PTN: variants seen among roughly 807,000 people sequenced by gnomAD.
PTN encodes the protein heparin affin regulatory protein.
Under a neutral mutation model 24.1 loss-of-function variants are expected in PTN, and 18 were observed. The ratio of observed to expected loss-of-function variants is 0.75; its 90% CI spans 0.52 to 1.11. The LOEUF (loss-of-function observed/expected upper bound fraction) is 1.11, where lower values mean the gene tolerates loss of function less well. PTN is among the 50% of genes least tolerant of loss of function. PTN has a pLI of 0.00. For synonymous variants in PTN, 78 were observed against 68.6 expected, an observed-to-expected ratio of 1.14 and a Z score of -0.67; for missense variants, 163 against 198.8, an observed-to-expected ratio of 0.82 and a Z score of 1.08.
intron 1 of PTN, among the ~76,000 whole-genome samples, chr7:137,271,488 CAAAT>C (rs1264037368): frequency 1.3e-5 from 2 of 152,110 alleles, no homozygotes; most frequent in South Asian, 4.1e-4. Flanking sequence ...AAGAAAGAAA[CAAAT>C]AAATCAACCA....
chr7:137,315,441 G>C (rs1175797532), intron 1 of PTN, among the ~76,000 whole-genome samples: 1 of 152,078 alleles, frequency 6.6e-6, no homozygotes, highest in Admixed American at 6.5e-5. Context: ...AATCTCATCT[G>C]TTGTAACCTC....
chr7:137,239,374 T>A (rs573076706), intron 4 of PTN, among the ~76,000 whole-genome samples: 24 of 147,834 alleles, frequency 1.6e-4, no homozygotes, highest in Admixed American at 4.0e-4. Context: ...TAATTTTCTT[T>A]TTTATTTATT....
intron 1 of PTN, among the ~76,000 whole-genome samples, chr7:137,260,622 G>A (rs368804656): frequency 6.6e-6 from 1 of 151,954 alleles, no homozygotes; most frequent in Non-Finnish European, 1.5e-5. Context: ...CAAAGCCCAG[G>A]CCATTTAATC....
intron 1 of PTN, among the ~76,000 whole-genome samples, chr7:137,285,048 A>T (rs752684969): frequency 9.9e-5 from 15 of 152,196 alleles, no homozygotes; most frequent in Non-Finnish European, 1.6e-4. Context: ...ACCTGACTAC[A>T]AGTTTAATAT....
At position 137,320,994 on chromosome 7, in the gene PTN, T is replaced by A. The variant is rs111919227; in HGVS notation, c.-2+22445A>T. Among the ~76,000 whole-genome samples, 589 of 152,334 alleles carry A rather than the reference T, an allele frequency of 3.9e-3. 4 individuals are homozygous for A. The highest frequency in any genetic ancestry group is 0.013 in the African/African-American group (539 of 41,578). ...AAGTAAGCTTTGAGGTCAACTGTGCTGTGGCTCTACAATGAATATTCAACA... is the reference window on the plus strand; with the variant it reads ...AAGTAAGCTTTGAGGTCAACTGTGCAGTGGCTCTACAATGAATATTCAACA... On this transcript the variant is annotated intron_variant, in intron 1 of 4. Transcript: ENST00000348225.
chr7:137,330,969 C>T (rs1404019648), intron 1 of PTN, among the ~76,000 whole-genome samples: 2 of 152,180 alleles, frequency 1.3e-5, no homozygotes, highest in African/African-American at 4.8e-5. Context: ...AGCCTCAATG[C>T]TATCTAATAG....
chr7:137,284,369 C>A (rs1809522023), intron 1 of PTN, among the ~76,000 whole-genome samples: 1 of 152,006 alleles, frequency 6.6e-6, no homozygotes, highest in African/African-American at 2.4e-5. Context: ...AGGAAGAGGT[C>A]TTTTATTTTT....
At chr7:137,319,749 C>T (rs1810132838) in intron 1 of PTN, among the ~76,000 whole-genome samples, 1 of 152,222 alleles carries the variant, frequency 6.6e-6, no homozygotes, top group South Asian at 2.1e-4. Flanking sequence ...CACCTGAATA[C>T]TTTTGCCGGA....
intron 1 of PTN, among the ~76,000 whole-genome samples, chr7:137,267,139 T>C (rs1053536666): frequency 2.6e-5 from 4 of 152,116 alleles, no homozygotes; most frequent in African/African-American, 9.7e-5. Flanking sequence ...TACTTGTATA[T>C]TTCTCTCTCT....
intron 4 of PTN, among the ~76,000 whole-genome samples, chr7:137,247,385 G>A (rs1808742042): frequency 6.6e-6 from 1 of 152,160 alleles, no homozygotes; most frequent in African/African-American, 2.4e-5. Context: ...TAGAAATGGA[G>A]ATCATTAGGT....
chr7:137,265,028 G>A (rs1809115857), intron 1 of PTN, among the ~76,000 whole-genome samples: 1 of 149,872 alleles, frequency 6.7e-6, no homozygotes, highest in Non-Finnish European at 1.5e-5. Flanking sequence ...CAGGTCAGGT[G>A]GCCCCAGGGC....
chr7:137,256,041 G>A (rs1024023566), intron 1 of PTN, among the ~76,000 whole-genome samples: 5 of 152,030 alleles, frequency 3.3e-5, no homozygotes, highest in Admixed American at 6.6e-5. Context: ...ACAATAAAAC[G>A]TTTCATGTAT....
At chr7:137,275,822 A>G (rs1181729517) in intron 1 of PTN, among the ~76,000 whole-genome samples, 1 of 152,200 alleles carries the variant, frequency 6.6e-6, no homozygotes, top group Non-Finnish European at 1.5e-5. Context: ...CTTCAAATGA[A>G]AAGGTATTTC....
rs1808432999 is a variant in PTN at position 137,231,934 on chromosome 7, T to G, written c.452-3859A>C. 2.0e-5 allele frequency among the ~76,000 whole-genome samples: 3 copies of G among 151,924 alleles called. No individual in the cohort carries two copies. The South Asian group carries it at 6.2e-4, about 31-fold the overall frequency. On this transcript the variant is annotated intron_variant, in intron 4 of 4. Transcript: ENST00000348225. The stretch of plus-strand genomic sequence containing the variant: ...CAAGGTTAGAGAGAAATGTTTACTA[T>G]GAGATGTGGGTCACAAATTAGCCTG...
intron 1 of PTN, among the ~76,000 whole-genome samples, chr7:137,315,273 G>A (rs554652212): frequency 6.6e-6 from 1 of 152,124 alleles, no homozygotes; most frequent in Admixed American, 6.5e-5. Flanking sequence ...TGCTGTCCTT[G>A]ACCATTACGA....
intron 3 of PTN, among the ~76,000 whole-genome samples, chr7:137,252,546 T>C (rs1365324825): frequency 6.6e-6 from 1 of 151,916 alleles, no homozygotes; most frequent in Non-Finnish European, 1.5e-5. Flanking sequence ...CAAATGTACC[T>C]GTTCTCCATC....
At chr7:137,260,619 C>A (rs1041510439) in intron 1 of PTN, among the ~76,000 whole-genome samples, 1 of 152,052 alleles carries the variant, frequency 6.6e-6, no homozygotes, top group African/African-American at 2.4e-5. Flanking sequence ...TTACAAAGCC[C>A]AGGCCATTTA....
intron 4 of PTN, among the ~76,000 whole-genome samples, chr7:137,246,861 T>C (rs1808731944): frequency 6.6e-6 from 1 of 152,220 alleles, no homozygotes; most frequent in Non-Finnish European, 1.5e-5. Context: ...AATTTGAATC[T>C]GGTTGCACTG....
chr7:137,285,967 T>C (rs775958263), intron 1 of PTN, among the ~76,000 whole-genome samples: 28 of 152,206 alleles, frequency 1.8e-4, no homozygotes, highest in Non-Finnish European at 3.7e-4. Context: ...TCTACAGTCT[T>C]GGTTATCTGG....
Sources: allele counts gnomAD v4.1 joint callset (sites outside exome capture counted in the v4.1 genomes callset), GRCh38; gene constraint gnomAD v4.1.1; transcripts MANE v1.5; gene names NCBI Gene and HGNC (gene_info 2026-07-23, HGNC 2026-07-21).